Variants in PARD3 observed in about 807,000 individuals in gnomAD.
PARD3 encodes the protein par-3 family cell polarity regulator, also known as partitioning defective 3 homolog.
PARD3 carries 75 observed loss-of-function variants against 155.4 expected under a neutral mutation model. The observed-to-expected ratio is 0.48, with a 90% CI of 0.40 to 0.58. The LOEUF (loss-of-function observed/expected upper bound fraction) is 0.58. Among genes scored for constraint, PARD3 ranks in the 20% least tolerant of loss-of-function variants. PARD3 has a pLI of 0.00. For missense variants in PARD3, 1,642 were observed against 1,721.7 expected, an observed-to-expected ratio of 0.95 and a Z score of 0.82; for synonymous variants, 576 against 610.5, an observed-to-expected ratio of 0.94 and a Z score of 0.83.
At chr10:34,443,651 A>G (rs1401774062) in intron 5 of PARD3, among the ~76,000 whole-genome samples, 1 of 152,122 alleles carries the variant, frequency 6.6e-6, no homozygotes, top group African/African-American at 2.4e-5. Context: ...GCCTGCCCCC[A>G]TGATTCAATT....
intron 1 of PARD3, among the ~76,000 whole-genome samples, chr10:34,776,351 T>C (rs979276803): frequency 1.3e-5 from 2 of 152,158 alleles, no homozygotes; most frequent in African/African-American, 4.8e-5. Flanking sequence ...CAGGAGACAC[T>C]AACATACGAC....
chr10:34,545,908 T>C (rs1048014453), intron 2 of PARD3, among the ~76,000 whole-genome samples: 1 of 152,164 alleles, frequency 6.6e-6, no homozygotes, highest in East Asian at 1.9e-4. Flanking sequence ...TATATATCCA[T>C]AGGCATAGAA....
At chr10:34,507,349 C>G (rs1017990941) in intron 3 of PARD3, among the ~76,000 whole-genome samples, 1 of 151,766 alleles carries the variant, frequency 6.6e-6, no homozygotes, top group African/African-American at 2.4e-5. Context: ...GGCAGAGGAT[C>G]CTCTTCCAAT....
chr10:34,265,585 A>T (rs541084717), intron 22 of PARD3, among the ~76,000 whole-genome samples: 1 of 152,362 alleles, frequency 6.6e-6, no homozygotes, highest in Admixed American at 6.5e-5. Context: ...GAATTTAGTC[A>T]GTTGACAGGA....
rs752313425 is a variant in PARD3 at position 34,382,736 on chromosome 10, C to T, written c.1203G>A (p.Thr401=). The change falls in exon 9 of 25, where the codon ACG becomes ACA. Residue 401 remains threonine, a synonymous_variant. Transcript: ENST00000374788. ...NRSVNSAGLH[T]VQRAPRLNHP... ...GGTTCAGTCGGGGTGCTCTCTGCAC[C>T]GTGTGAAGCCCTGCACTGTTCACAC... The T allele has an allele frequency of 5.6e-6, 9 of 1,614,098 alleles. No homozygotes were observed. The highest frequency in any genetic ancestry group is 4.4e-5 in the South Asian group (4 of 91,074).
chr10:34,373,133 A>C (rs1270301715), intron 11 of PARD3, among the ~76,000 whole-genome samples: 1 of 152,172 alleles, frequency 6.6e-6, no homozygotes, highest in East Asian at 1.9e-4. Flanking sequence ...AGAGGAAAAT[A>C]GTTACGTCTA....
chr10:34,714,236 C>G (rs985148944), intron 1 of PARD3, among the ~76,000 whole-genome samples: 3 of 152,118 alleles, frequency 2.0e-5, no homozygotes, highest in African/African-American at 7.2e-5. Context: ...AGAAAGGCTC[C>G]CAAATGACTT....
chr10:34,273,186 T>C (rs1955710805), intron 21 of PARD3, among the ~76,000 whole-genome samples: 1 of 152,150 alleles, frequency 6.6e-6, no homozygotes, highest in Non-Finnish European at 1.5e-5. Context: ...TTGCCAAATA[T>C]TACCTTATTT....
intron 1 of PARD3, among the ~76,000 whole-genome samples, chr10:34,791,717 G>A (rs1466472565): frequency 6.6e-6 from 1 of 152,044 alleles, no homozygotes; most frequent in Admixed American, 6.6e-5. Flanking sequence ...ATTAGTCACT[G>A]TAGTCCTAGC....
chr10:34,143,413 C>G (rs191453828), intron 22 of PARD3, among the ~76,000 whole-genome samples: 1 of 152,270 alleles, frequency 6.6e-6, no homozygotes, highest in East Asian at 1.9e-4. Flanking sequence ...TTATCATGTT[C>G]TTCTTCATAT....
intron 2 of PARD3, among the ~76,000 whole-genome samples, chr10:34,662,037 G>A (rs1182078435): frequency 2.0e-5 from 3 of 152,168 alleles, no homozygotes; most frequent in Non-Finnish European, 4.4e-5. Context: ...GCCTAACCGT[G>A]AAGGCTACTA....
intron 3 of PARD3, among the ~76,000 whole-genome samples, chr10:34,490,155 C>G (rs1322677570): frequency 6.6e-6 from 1 of 152,186 alleles, no homozygotes; most frequent in African/African-American, 2.4e-5. Flanking sequence ...CTCAACCACA[C>G]TGCAAGTCAG....
chr10:34,255,175 G>A (rs770263402), intron 22 of PARD3, among the ~76,000 whole-genome samples: 1 of 151,356 alleles, frequency 6.6e-6, no homozygotes, highest in Non-Finnish European at 1.5e-5. Context: ...AGACCACACA[G>A]TGACTTTGTG....
At chr10:34,555,760 C>T (rs1368105549) in intron 2 of PARD3, among the ~76,000 whole-genome samples, 2 of 152,154 alleles carry the variant, frequency 1.3e-5, no homozygotes, top group Non-Finnish European at 2.9e-5. Context: ...CCCGCCCACA[C>T]ACCTACCTAC....
chr10:34,619,907 C>T (rs1440896400), intron 2 of PARD3, among the ~76,000 whole-genome samples: 2 of 152,094 alleles, frequency 1.3e-5, no homozygotes, highest in African/African-American at 2.4e-5. Context: ...AATAAGCTTA[C>T]CTCTCTCTGT....
At chr10:34,355,945 AAC>A (rs1564622629) in intron 14 of PARD3, among the ~76,000 whole-genome samples, 5,094 of 123,086 alleles carry the variant, frequency 0.041, 225 homozygotes, top group African/African-American at 0.11. Context: ...AAAAAAAAAA[AAC>A]AAAACAAAAC....
At chr10:34,507,548 CAA>C (rs374421524) in intron 3 of PARD3, among the ~76,000 whole-genome samples, 1,112 of 42,982 alleles carry the variant, frequency 0.026, 30 homozygotes, top group African/African-American at 0.11. Flanking sequence ...ATTAAAAAAA[CAA>C]AAAAAAAAAA....
At chr10:34,670,958 G>A (rs943491083) in intron 2 of PARD3, among the ~76,000 whole-genome samples, 4 of 152,150 alleles carry the variant, frequency 2.6e-5, no homozygotes, top group East Asian at 1.9e-4. Context: ...GCAACACATC[G>A]GCGGCCATCA....
chr10:34,762,700 G>A (rs1221735351), intron 1 of PARD3, among the ~76,000 whole-genome samples: 1 of 152,122 alleles, frequency 6.6e-6, no homozygotes, highest in African/African-American at 2.4e-5. Flanking sequence ...ATGTATTGGA[G>A]ACTGGGAGTC....
Sources: gnomAD v4.1 joint callset for allele counts (sites outside exome capture counted in the v4.1 genomes callset) on GRCh38, gnomAD v4.1.1 for gene constraint, MANE v1.5 for transcripts, NCBI Gene and HGNC (gene_info 2026-07-23, HGNC 2026-07-21) for gene names.